ACAP1: variants seen among roughly 807,000 people sequenced by gnomAD.
ACAP1 encodes the protein ArfGAP with coiled-coil, ankyrin repeat and PH domains 1.
A neutral mutation model predicts 98.8 loss-of-function variants in ACAP1; 45 were observed. The observed-to-expected ratio is 0.46, with a 90% CI of 0.36 to 0.58. ACAP1 has a LOEUF of 0.58. ACAP1 is among the 20% of genes least tolerant of loss of function. The probability of loss-of-function intolerance (pLI) is 0.00; values close to 1 mark genes in which losing one functional copy is unlikely to be tolerated. For missense variants in ACAP1, 735 were observed against 971.4 expected (o/e 0.76, Z 3.24); for synonymous variants, 362 against 375.3 (o/e 0.96, Z 0.41).
chr17:7,341,629 G>A (rs2073279608), intron 2 of ACAP1, among the ~76,000 whole-genome samples: 3 of 152,202 alleles, frequency 2.0e-5, no homozygotes, highest in African/African-American at 7.2e-5. Flanking sequence ...AGGTAGGCAG[G>A]GCAGGAAGAG....
intron 10 of ACAP1, chr17:7,345,956 A>AT: frequency 5.4e-6 from 2 of 368,830 alleles, no homozygotes; most frequent in Non-Finnish European, 1.0e-5. Context: ...CCTAAATAGT[A>AT]TTTTTTAAAT....
chr17:7,348,747 G>A, intron 17 of ACAP1: 1 of 583,386 alleles, frequency 1.7e-6, no homozygotes, highest in Non-Finnish European at 2.9e-6. Context: ...GGGGTTGAGA[G>A]CTGAGGCCAA....
Position 7,344,109 on chromosome 17 carries a change from C to G in ACAP1, c.730C>G (p.Leu244Val). 6.3e-7 allele frequency: 1 copy of G among 1,578,550 alleles called. No individual in the cohort carries two copies. The highest frequency in any genetic ancestry group is 1.8e-5 in the Admixed American group (1 of 55,146). The change falls in exon 9 of 22, where the codon CTG becomes GTG. Residue 244 changes from leucine to valine, a missense_variant. By Grantham distance (32) the Leu-to-Val change is conservative. Coordinates refer to ENST00000158762, the MANE Select transcript of ACAP1 (RefSeq NM_014716.4). The surrounding 1 kb of genome is among the most constrained non-coding windows in gnomAD (Gnocchi z 4.9). ...GAGGGACATGGAGCAGAGACACGTG[C>G]TGCTGAAACAGAAGGTGAGGGGCCA... ...EKRDMEQRHV[L>V]LKQKELGGEE...
intron 4 of ACAP1, 42 bp downstream of exon 4, chr17:7,342,370 T>C: frequency 6.2e-7 from 1 of 1,613,598 alleles, no homozygotes; most frequent in South Asian, 1.1e-5. Context: ...GGTGGCCAGG[T>C]CACCTGTGGT....
intron 2 of ACAP1, among the ~76,000 whole-genome samples, chr17:7,341,706 G>A (rs1271473002): frequency 6.6e-6 from 1 of 152,232 alleles, no homozygotes; most frequent in Non-Finnish European, 1.5e-5. Flanking sequence ...GCGACAGGCT[G>A]AGAGGAATGG....
chr17:7,350,111 T>G lies in ACAP1; in HGVS notation c.1962-16T>G, dbSNP rs2073388708. On this transcript the variant is annotated splice_polypyrimidine_tract_variant and intron_variant, in intron 19 of 21. Transcript: ENST00000158762. The surrounding 1 kb of genome is among the most constrained non-coding windows in gnomAD (Gnocchi z 4.6). ...GAGAAGTTGGGCGGCCGGCTGACCC[T>G]GGCTCTTCTCTCCAGGCTCGCCTGC... The G allele has an allele frequency of 1.9e-6, 3 of 1,613,754 alleles. No homozygotes were observed. Among genetic ancestry groups the G allele is most frequent in the Admixed American group, 3.3e-5 (2 of 59,986 alleles).
chr17:7,351,141 G>C, intron 21 of ACAP1, 142 bp downstream of exon 21: 1 of 1,116,376 alleles, frequency 9.0e-7, no homozygotes, highest in Non-Finnish European at 1.3e-6. Flanking sequence ...GACGTGCCAG[G>C]CCCTGGCAAG....
At chr17:7,336,836 C>T in intron 1 of ACAP1, 49 bp downstream of exon 1, 5 of 1,585,710 alleles carry the variant, frequency 3.2e-6, no homozygotes, top group Non-Finnish European at 4.3e-6. Context: ...GTCTAACACC[C>T]CCAGCACACA....
rs183093010 is a variant in ACAP1 at position 7,341,098 on chromosome 17, G to C, written c.112-850G>C. On this transcript the variant is annotated intron_variant, in intron 2 of 21. Coordinates refer to ENST00000158762, the MANE Select transcript of ACAP1 (RefSeq NM_014716.4). ...GATGGATTAATATTTATGAGGGAAC[G>C]TGCAGTGAGCACAGAATGGGACAAC... is the stretch of plus-strand genomic sequence containing the variant. Among the ~76,000 whole-genome samples, 38 of 152,280 alleles carry C rather than the reference G, an allele frequency of 2.5e-4. No individual in the cohort carries two copies. In the East Asian group the frequency reaches 7.3e-3, roughly 29 times the overall value.
rs1167858557 is a variant in ACAP1 at position 7,350,298 on chromosome 17, G to A, written c.2072+61G>A. 1.5e-6 allele frequency: 2 copies of A among 1,352,278 alleles called. No homozygotes were observed. The highest frequency in any genetic ancestry group is 4.8e-5 in the East Asian group (2 of 41,910). The allele number at this position is 1,352,278 out of a possible 1,614,324, so 83.8% of individuals were successfully genotyped here. A position where few individuals can be genotyped will look rare whatever the true frequency, so the allele number is the denominator to read the frequency against. ...ACTCCCCCCACCCCCGCCCACCCAC[G>A]TTCGGGCGGGCGGGCGGGGCTGACG... On this transcript the variant is annotated intron_variant, in intron 20 of 21. Coordinates refer to ENST00000158762, the MANE Select transcript of ACAP1 (RefSeq NM_014716.4). This position sits in a 1 kb window ranked among gnomAD's most constrained non-coding sequence, Gnocchi z 4.6.
rs140256517 is a variant in ACAP1, at chr17:7,347,104, G to C, written c.1205G>C (p.Gly402Ala). The change falls in exon 14 of 22, where the codon GGG (glycine) becomes GCG (alanine). Residue 402 changes from glycine to alanine, a missense_variant. Gly to Ala is a moderately conservative substitution (Grantham distance 60). This residue lies in a region of ACAP1 where 430 missense variants were observed against 531.8 expected (regional missense o/e 0.81). Transcript: ENST00000158762. ...SGGMARGREP[G>A]GVGHVVAQVQ... ...GGAATGGCCAGGGGAAGGGAGCCTG[G>C]GGGAGTCGGGCACGTGGTGGCCCAG... is the stretch of plus-strand genomic sequence containing the variant. 7.4e-6 allele frequency: 12 copies of C among 1,613,440 alleles called. No homozygotes were observed. The African/African-American group carries it at 9.3e-5, about 13-fold the overall frequency.
At chr17:7,349,188 T>C in intron 18 of ACAP1, 21 bp downstream of exon 18, 1 of 1,612,834 alleles carries the variant, frequency 6.2e-7, no homozygotes, top group Non-Finnish European at 8.5e-7. Flanking sequence ...TGCTGACCTC[T>C]CCACCCCACC....
rs749532458 is a variant in ACAP1, at chr17:7,344,506, CTCAGTTGCCCTTT to C, written c.745-32_745-20del. 37 of 1,493,328 alleles carry C rather than the reference CTCAGTTGCCCTTT, an allele frequency of 2.5e-5. No homozygotes were observed. In the Middle Eastern group the frequency reaches 1.0e-3, roughly 42 times the overall value. The allele number at this position is 1,493,328 out of a possible 1,614,324, so 92.5% of individuals were successfully genotyped here. A position where few individuals can be genotyped will look rare whatever the true frequency, so the allele number is the denominator to read the frequency against. ...GCCTATGGCCTTGGTGTCTGCCCAT[CTCAGTTGCCCTTT>C]GATCCTCTTGTGCCTCCAGGAGCTG... On this transcript the variant is annotated intron_variant, in intron 9 of 21. Coordinates refer to ENST00000158762, the MANE Select transcript of ACAP1 (RefSeq NM_014716.4). This position sits in a 1 kb window ranked among gnomAD's most constrained non-coding sequence, Gnocchi z 4.9.
intron 21 of ACAP1, 31 bp from the exon 22 acceptor site, chr17:7,351,264 G>A (rs764422099): frequency 6.4e-7 from 1 of 1,574,410 alleles, no homozygotes; most frequent in Non-Finnish European, 8.7e-7. Context: ...CTGGGGCCCA[G>A]CCGCCTCCCG....
At chr17:7,338,995 T>C (rs532840736) in intron 2 of ACAP1, among the ~76,000 whole-genome samples, 1 of 151,870 alleles carries the variant, frequency 6.6e-6, no homozygotes, top group South Asian at 2.1e-4. Flanking sequence ...CACATTACAA[T>C]TAACAATAAA....
chr17:7,348,009 G>A lies in ACAP1; in HGVS notation c.1413+18G>A. ...TAGTGAAGGTAACTTAGCGTATTGTGAAGATTGGGGGCAAGAACTTGGGGT... is the reference window on the plus strand; with the variant it reads ...TAGTGAAGGTAACTTAGCGTATTGTAAAGATTGGGGGCAAGAACTTGGGGT... On this transcript the variant is annotated intron_variant, in intron 15 of 21. Transcript: ENST00000158762. 1 of 1,614,020 alleles carries A rather than the reference G, an allele frequency of 6.2e-7. No homozygotes were observed. Among genetic ancestry groups the A allele is most frequent in the Non-Finnish European group, 8.5e-7 (1 of 1,179,846 alleles).
intron 21 of ACAP1, 44 bp downstream of exon 21, chr17:7,351,043 C>T (rs1597656803): frequency 6.3e-7 from 1 of 1,575,600 alleles, no homozygotes. Flanking sequence ...AACACCTGAA[C>T]TCTGGGCTTC....
chr17:7,342,560 G>A (rs1343677116), intron 5 of ACAP1, 86 bp downstream of exon 5: 1 of 1,434,626 alleles, frequency 7.0e-7, no homozygotes, highest in African/African-American at 1.4e-5. Flanking sequence ...GAGCCCAGGA[G>A]TTGGACACCA....
In ACAP1 at chr17:7,340,840, C is replaced by T. The variant is rs576192697; in HGVS notation, c.112-1108C>T. Among the ~76,000 whole-genome samples the T allele has an allele frequency of 1.2e-4, 18 of 152,268 alleles. No homozygotes were observed. The East Asian group carries it at 1.5e-3, about 13-fold the overall frequency. On this transcript the variant is annotated intron_variant, in intron 2 of 21. Transcript: ENST00000158762. ...CAGCTTGGGCAACGGAGCAAAACTC[C>T]GTCTCAAAAATAGAAAAATAAAAAG...
Sources: allele counts gnomAD v4.1 joint callset (sites outside exome capture counted in the v4.1 genomes callset), GRCh38; gene constraint gnomAD v4.1.1; regional missense constraint gnomAD v4.1.1; non-coding constraint Gnocchi (gnomAD v3.1); transcripts MANE v1.5; gene names NCBI Gene and HGNC (gene_info 2026-07-23, HGNC 2026-07-21).